Variants in CCDC178 observed in about 807,000 individuals in gnomAD.
CCDC178 encodes the protein coiled-coil domain containing 178.
In CCDC178, 126 loss-of-function variants were observed where a neutral mutation model predicts 117.4. The observed-to-expected ratio is 1.07, with a 90% CI of 0.93 to 1.24. CCDC178 has a LOEUF of 1.24. Among genes scored for constraint, CCDC178 ranks in the 50% most tolerant of loss-of-function variants. The pLI, the probability that CCDC178 is intolerant of heterozygous loss-of-function variation, is 0.00. For synonymous variants in CCDC178, 283 were observed against 313.4 expected, an observed-to-expected ratio of 0.90 and a Z score of 1.02; for missense variants, 1,030 against 986.9, an observed-to-expected ratio of 1.04 and a Z score of -0.59.
intron 4 of CCDC178, among the ~76,000 whole-genome samples, chr18:33,394,244 T>C (rs780697485): frequency 6.6e-6 from 1 of 151,996 alleles, no homozygotes; most frequent in Non-Finnish European, 1.5e-5. Flanking sequence ...GAATGACTAA[T>C]ATTTATTGAA....
intron 7 of CCDC178, among the ~76,000 whole-genome samples, chr18:33,350,577 T>G (rs1418157396): frequency 1.3e-5 from 2 of 152,194 alleles, no homozygotes; most frequent in Admixed American, 6.5e-5. Context: ...TTTCAAGATT[T>G]CTCCATGTTG....
intron 2 of CCDC178, among the ~76,000 whole-genome samples, chr18:33,422,232 CT>C (rs1456094105): frequency 6.6e-6 from 1 of 152,052 alleles, no homozygotes; most frequent in African/African-American, 2.4e-5. Context: ...ACATTCTTTT[CT>C]TTTCTACCCC....
intron 22 of CCDC178, among the ~76,000 whole-genome samples, chr18:32,952,461 C>T (rs757134938): frequency 1.3e-5 from 2 of 152,184 alleles, no homozygotes; most frequent in Non-Finnish European, 2.9e-5. Context: ...TGTATCTTGG[C>T]CCCTTTTAGC....
intron 21 of CCDC178, among the ~76,000 whole-genome samples, chr18:33,038,875 C>T (rs565118563): frequency 1.3e-5 from 2 of 152,004 alleles, no homozygotes; most frequent in African/African-American, 2.4e-5. Context: ...CAACATATGC[C>T]AAAGGACTCC....
intron 2 of CCDC178, among the ~76,000 whole-genome samples, chr18:33,420,622 T>C (rs1194631270): frequency 2.0e-5 from 3 of 152,194 alleles, no homozygotes; most frequent in Admixed American, 6.5e-5. Context: ...CCCAAGGTGC[T>C]GGGATTACAG....
At chr18:33,329,934 T>A (rs1191289971) in intron 10 of CCDC178, among the ~76,000 whole-genome samples, 1 of 145,894 alleles carries the variant, frequency 6.9e-6, no homozygotes, top group Non-Finnish European at 1.5e-5. Flanking sequence ...CACTAGTGAA[T>A]CCACTTGGTC....
intron 20 of CCDC178, among the ~76,000 whole-genome samples, chr18:33,207,239 T>G (rs879747255): frequency 6.6e-6 from 1 of 152,138 alleles, no homozygotes; most frequent in Non-Finnish European, 1.5e-5. Flanking sequence ...TTTTAAAAAC[T>G]GTAGTAAATC....
intron 5 of CCDC178, among the ~76,000 whole-genome samples, chr18:33,371,704 A>G (rs2063302201): frequency 6.6e-6 from 1 of 151,710 alleles, no homozygotes; most frequent in Non-Finnish European, 1.5e-5. Context: ...TGCTTTGACC[A>G]TACTCTGAAC....
chr18:33,050,627 G>A (rs919721002), intron 21 of CCDC178, among the ~76,000 whole-genome samples: 9 of 152,284 alleles, frequency 5.9e-5, no homozygotes, highest in African/African-American at 2.2e-4. Context: ...GATGGTTTAT[G>A]TCAGATAAAT....
intron 20 of CCDC178, among the ~76,000 whole-genome samples, chr18:33,099,452 C>G (rs532627743): frequency 6.6e-6 from 1 of 152,086 alleles, no homozygotes; most frequent in Admixed American, 6.6e-5. Flanking sequence ...GAGACTGATT[C>G]ATAGCATGTA....
In CCDC178 at chr18:33,347,794, A is replaced by C. The variant is rs188265682; in HGVS notation, c.457+1096T>G. ...TGTCTTTTATACTATTTCAATAATA[A>C]ATTCCAAAACAAATGCCGTATAGGT... is the stretch of plus-strand genomic sequence containing the variant. On this transcript the variant is annotated intron_variant, in intron 8 of 22. Coordinates refer to ENST00000383096, the MANE Select transcript of CCDC178 (RefSeq NM_001105528.4). Among the ~76,000 whole-genome samples, 353 of 152,202 alleles carry C rather than the reference A, an allele frequency of 2.3e-3. 3 individuals carry two copies. The highest frequency in any genetic ancestry group is 8.7e-3 in the South Asian group (42 of 4,832).
intron 7 of CCDC178, among the ~76,000 whole-genome samples, chr18:33,355,680 T>C (rs149985016): frequency 2.2e-4 from 33 of 152,362 alleles, no homozygotes; most frequent in African/African-American, 7.2e-4. Flanking sequence ...GTCTGGTTAA[T>C]GCTTGTCCTA....
intron 20 of CCDC178, among the ~76,000 whole-genome samples, chr18:33,100,279 G>A (rs566960695): frequency 6.6e-6 from 1 of 152,082 alleles, no homozygotes; most frequent in Non-Finnish European, 1.5e-5. Flanking sequence ...CGGACATTAT[G>A]ACATTGCCTC....
chr18:33,258,922 T>G (rs956173531), intron 14 of CCDC178, among the ~76,000 whole-genome samples: 1 of 152,164 alleles, frequency 6.6e-6, no homozygotes, highest in African/African-American at 2.4e-5. Context: ...TGTAACAAGT[T>G]ACACGTAGTA....
intron 21 of CCDC178, among the ~76,000 whole-genome samples, chr18:33,007,690 A>T (rs571778598): frequency 8.1e-4 from 123 of 152,250 alleles, no homozygotes; most frequent in African/African-American, 2.8e-3. Context: ...CTAAGTACAT[A>T]CAAATCAAGG....
chr18:33,215,427 T>TCCACAC, intron 19 of CCDC178, 123 bp downstream of exon 19: 1 of 625,592 alleles, frequency 1.6e-6, no homozygotes, highest in Non-Finnish European at 2.4e-6. Context: ...ACATATATAT[T>TCCACAC]CCACACTACG....
intron 20 of CCDC178, among the ~76,000 whole-genome samples, chr18:33,185,371 T>C (rs1400753493): frequency 6.6e-6 from 1 of 151,884 alleles, no homozygotes; most frequent in African/African-American, 2.4e-5. Flanking sequence ...AAAAGAGATA[T>C]GGATGAAAGG....
At chr18:33,108,036 A>G (rs1038614420) in intron 20 of CCDC178, among the ~76,000 whole-genome samples, 3 of 151,706 alleles carry the variant, frequency 2.0e-5, no homozygotes. Context: ...CAAAAGACTT[A>G]GGATGTTTGT....
chr18:33,286,419 G>A (rs2060099804), intron 12 of CCDC178, among the ~76,000 whole-genome samples: 1 of 152,156 alleles, frequency 6.6e-6, no homozygotes, highest in Non-Finnish European at 1.5e-5. Context: ...TTGTCTGTTA[G>A]AAAATCACTC....
Sources: allele counts gnomAD v4.1 joint callset (sites outside exome capture counted in the v4.1 genomes callset), GRCh38; gene constraint gnomAD v4.1.1; transcripts MANE v1.5; gene names NCBI Gene and HGNC (gene_info 2026-07-23, HGNC 2026-07-21).